SH3BP4: variants seen among roughly 807,000 people sequenced by gnomAD.
SH3BP4 encodes SH3 domain binding protein 4, also known as SH3 domain-binding protein 4.
Under a neutral mutation model 65.5 loss-of-function variants are expected in SH3BP4, and 33 were observed. That is an observed-to-expected ratio of 0.50 (90% CI 0.38 to 0.67). The LOEUF (loss-of-function observed/expected upper bound fraction) is 0.67, where lower values mean the gene tolerates loss of function less well. Ranked by LOEUF, SH3BP4 falls within the 30% of genes least tolerant of loss-of-function variation. SH3BP4 has a pLI of 0.00. For synonymous variants in SH3BP4, 552 were observed against 545.5 expected, an observed-to-expected ratio of 1.01 and a Z score of -0.17; for missense variants, 1,134 against 1,261.4, an observed-to-expected ratio of 0.90 and a Z score of 1.53.
At chr2:234,975,544 A>G (rs1210609557) in intron 1 of SH3BP4, among the ~76,000 whole-genome samples, 3 of 152,178 alleles carry the variant, frequency 2.0e-5, no homozygotes, top group Non-Finnish European at 2.9e-5. Flanking sequence ...TGAGGCACCG[A>G]GCAGTTCGCT....
intron 2 of SH3BP4, among the ~76,000 whole-genome samples, chr2:235,005,278 T>G (rs915981113): frequency 2.0e-5 from 3 of 152,042 alleles, no homozygotes; most frequent in Admixed American, 2.0e-4. Flanking sequence ...CAGGGAGTGG[T>G]CTGAATTGGC....
At chr2:234,996,308 C>G (rs1025102968) in intron 2 of SH3BP4, among the ~76,000 whole-genome samples, 1 of 152,204 alleles carries the variant, frequency 6.6e-6, no homozygotes, top group Non-Finnish European at 1.5e-5. Flanking sequence ...TGCACTGTTT[C>G]AGGTTTTTCT....
intron 1 of SH3BP4, among the ~76,000 whole-genome samples, chr2:234,975,410 C>T (rs1693139295): frequency 6.6e-6 from 1 of 152,144 alleles, no homozygotes; most frequent in African/African-American, 2.4e-5. Context: ...AGCACAGTGT[C>T]CCTTACCTCC....
At chr2:235,019,585 C>A (rs1034969872) in intron 2 of SH3BP4, among the ~76,000 whole-genome samples, 1 of 151,870 alleles carries the variant, frequency 6.6e-6, no homozygotes, top group Non-Finnish European at 1.5e-5. Context: ...TACAGGCATG[C>A]ACCACCACAC....
chr2:235,052,898 G>T lies in SH3BP4; in HGVS notation c.2667+148G>T, dbSNP rs1394614976. 3.1e-5 allele frequency: 25 copies of T among 795,600 alleles called. No homozygotes were observed. The highest frequency in any genetic ancestry group is 2.3e-5 in the Non-Finnish European group (12 of 515,786). 49.3% of individuals were successfully genotyped at this position (795,600 alleles called of 1,614,324 possible). A position where few individuals can be genotyped will look rare whatever the true frequency, so the allele number is the denominator to read the frequency against. On this transcript the variant is annotated intron_variant, in intron 5 of 5. Transcript: ENST00000392011. The surrounding 1 kb of genome is among the most constrained non-coding windows in gnomAD (Gnocchi z 5.0). ...ATGTGCACGCATGTGCCCAGCACTG[G>T]GTGTGCCTCACTGAGTGGGAGCCAT...
intron 1 of SH3BP4, among the ~76,000 whole-genome samples, chr2:234,954,311 A>G (rs1325360802): frequency 6.6e-6 from 1 of 152,042 alleles, no homozygotes; most frequent in East Asian, 1.9e-4. Flanking sequence ...CCAAGCACCC[A>G]TGCCACCCCC....
Position 235,030,523 on chromosome 2 carries a change from G to A in SH3BP4, c.-132-4348G>A, listed in dbSNP as rs533476484. ...AGGACACATAACCGTCAGCGTCCACGTCTGTTGTTAGATGCCGTTAGAATC... is the reference window on the plus strand; with the variant it reads ...AGGACACATAACCGTCAGCGTCCACATCTGTTGTTAGATGCCGTTAGAATC... On this transcript the variant is annotated intron_variant, in intron 2 of 5. Transcript: ENST00000392011. The surrounding 1 kb of genome is among the most constrained non-coding windows in gnomAD (Gnocchi z 4.1). Among the ~76,000 whole-genome samples the A allele has an allele frequency of 2.6e-5, 4 of 152,098 alleles. No homozygotes were observed. Among genetic ancestry groups the A allele is most frequent in the South Asian group, 2.1e-4 (1 of 4,816 alleles).
At chr2:235,024,085 G>A (rs1216063253) in intron 2 of SH3BP4, among the ~76,000 whole-genome samples, 1 of 152,198 alleles carries the variant, frequency 6.6e-6, no homozygotes, top group East Asian at 1.9e-4. Flanking sequence ...ATTAGTAATT[G>A]ATGGACATGT....
chr2:235,036,493 C>T (rs1005116443), intron 3 of SH3BP4, among the ~76,000 whole-genome samples: 3 of 152,040 alleles, frequency 2.0e-5, no homozygotes, highest in Admixed American at 6.6e-5. Flanking sequence ...CGGTGGCTCA[C>T]GCCTGTAATC....
At position 235,008,151 on chromosome 2, in the gene SH3BP4, C is replaced by T. The variant is rs569181540; in HGVS notation, c.-133+12775C>T. The stretch of plus-strand genomic sequence containing the variant: ...AGTGTCGTGAGCCATTAGGTGGGAT[C>T]TGGTGCCCGGAGAGGTGTGGCACAG... On this transcript the variant is annotated intron_variant, in intron 2 of 5. Transcript: ENST00000392011. 8.5e-5 allele frequency among the ~76,000 whole-genome samples: 13 copies of T among 152,250 alleles called. 1 individual carries two copies. The South Asian group carries it at 2.5e-3, about 29-fold the overall frequency.
In SH3BP4 at chr2:235,043,002, C is replaced by G; in HGVS notation, c.2233C>G (p.Leu745Val). ...CACCTCGGTGCTGCTGGAGCAGATC[C>G]TGCGGCCCTGCAAATTCCTCACGTA... The part of the protein sequence containing the change: ...LSTSVLLEQI[L>V]RPCKFLTYIY... Residue 745 changes from leucine (L) to valine (V), a missense_variant, in exon 4 of 6, where the codon CTG becomes GTG. Physicochemically the swap from Leu to Val is conservative, Grantham distance 32. Coordinates refer to ENST00000392011, the MANE Select transcript of SH3BP4 (RefSeq NM_014521.3). The G allele has an allele frequency of 6.2e-7, 1 of 1,610,176 alleles. No homozygotes were observed. Among genetic ancestry groups the G allele is most frequent in the Non-Finnish European group, 8.5e-7 (1 of 1,177,144 alleles).
In SH3BP4 at chr2:234,974,659, A is replaced by G. The variant is rs753961327; in HGVS notation, c.-206-20644A>G. 1.3e-5 allele frequency among the ~76,000 whole-genome samples: 2 copies of G among 152,184 alleles called. No individual in the cohort carries two copies. The highest frequency in any genetic ancestry group is 4.8e-5 in the African/African-American group (2 of 41,454). On this transcript the variant is annotated intron_variant, in intron 1 of 5. Coordinates refer to ENST00000392011, the MANE Select transcript of SH3BP4 (RefSeq NM_014521.3). The surrounding 1 kb of genome is among the most constrained non-coding windows in gnomAD (Gnocchi z 4.6). ...CGTTCCCTGGTCTCATTTTACACTA[A>G]CAAGGGCTTCATGCAGCCCGCGGCC... is the stretch of plus-strand genomic sequence containing the variant.
chr2:235,027,962 C>T (rs927074578), intron 2 of SH3BP4, among the ~76,000 whole-genome samples: 4 of 152,168 alleles, frequency 2.6e-5, no homozygotes, highest in African/African-American at 4.8e-5. Context: ...CGTGGCGTGA[C>T]AGCAGCCGTA....
chr2:234,979,245 C>T (rs1693273379), intron 1 of SH3BP4, among the ~76,000 whole-genome samples: 1 of 152,152 alleles, frequency 6.6e-6, no homozygotes, highest in Non-Finnish European at 1.5e-5. Flanking sequence ...TTTGAAATTC[C>T]CTTTGCCCCT....
Position 235,034,255 on chromosome 2 carries a change from C to T in SH3BP4, c.-132-616C>T, listed in dbSNP as rs771421016. Among the ~76,000 whole-genome samples the T allele has an allele frequency of 6.6e-6, 1 of 152,176 alleles. No homozygotes were observed. Among genetic ancestry groups the T allele is most frequent in the Admixed American group, 6.5e-5 (1 of 15,290 alleles). On this transcript the variant is annotated intron_variant, in intron 2 of 5. Transcript: ENST00000392011. The surrounding 1 kb of genome is among the most constrained non-coding windows in gnomAD (Gnocchi z 6.2). Reference sequence around the variant, plus strand: ...TAGTAACAGTGGTTCAGTAAATATGCCCTGGTTTCATCTGCATACGTTGCA... The same window carrying T: ...TAGTAACAGTGGTTCAGTAAATATGTCCTGGTTTCATCTGCATACGTTGCA...
In SH3BP4 at chr2:234,995,147, C is replaced by T. The variant is rs191310694; in HGVS notation, c.-206-156C>T. Among the ~76,000 whole-genome samples the T allele has an allele frequency of 5.3e-5, 8 of 152,298 alleles. No individual in the cohort carries two copies. In the East Asian group the frequency reaches 1.4e-3, roughly 26 times the overall value. On this transcript the variant is annotated intron_variant, in intron 1 of 5. Coordinates refer to ENST00000392011, the MANE Select transcript of SH3BP4 (RefSeq NM_014521.3). ...TGGCTTCAGAAGGGGACCTGGGGGC[C>T]GCGTGGCAGCGTCCACCACCATCCT...
intron 1 of SH3BP4, among the ~76,000 whole-genome samples, chr2:234,958,032 A>G (rs1042495174): frequency 3.3e-5 from 5 of 152,126 alleles, no homozygotes; most frequent in Non-Finnish European, 7.4e-5. Flanking sequence ...CTGGTCTAGA[A>G]AGGAAAAGAG....
intron 1 of SH3BP4, among the ~76,000 whole-genome samples, chr2:234,964,875 A>AG (rs1692801199): frequency 6.6e-6 from 1 of 152,104 alleles, no homozygotes; most frequent in Non-Finnish European, 1.5e-5. Flanking sequence ...TCCCTGGCAC[A>AG]GGGGGTGACC....
rs1278006931 is a variant in SH3BP4 at position 235,040,942 on chromosome 2, A to G, written c.173A>G (p.Lys58Arg). The change falls in exon 4 of 6, where the codon AAG becomes AGG. Residue 58 changes from lysine to arginine, a missense_variant. Physicochemically the swap from Lys to Arg is conservative, Grantham distance 26 (BLOSUM62 2). Coordinates refer to ENST00000392011, the MANE Select transcript of SH3BP4 (RefSeq NM_014521.3). ...AACCCCACACCTTTCGGAAATGCAA[A>G]GGAAGTGATTGCGATCAAGGACTAT... ...VDNPTPFGNA[K>R]EVIAIKDYCP... is the part of the protein sequence containing the mutation. 9 of 1,614,140 alleles carry G rather than the reference A, an allele frequency of 5.6e-6. No individual in the cohort carries two copies. The Middle Eastern group carries it at 4.9e-4, about 89-fold the overall frequency.
Sources: allele counts gnomAD v4.1 joint callset (sites outside exome capture counted in the v4.1 genomes callset), GRCh38; gene constraint gnomAD v4.1.1; non-coding constraint Gnocchi (gnomAD v3.1); transcripts MANE v1.5; gene names NCBI Gene and HGNC (gene_info 2026-07-23, HGNC 2026-07-21).